TSC22D1: variants seen among roughly 807,000 people sequenced by gnomAD.
The protein encoded by TSC22D1 is TSC22 domain family protein 1.
Under a neutral mutation model 74.2 loss-of-function variants are expected in TSC22D1, and 9 were observed. The ratio of observed to expected loss-of-function variants is 0.12; its 90% CI spans 0.07 to 0.21. The LOEUF (loss-of-function observed/expected upper bound fraction) is 0.21, where lower values mean the gene tolerates loss of function less well. Ranked by LOEUF, TSC22D1 falls within the 10% of genes least tolerant of loss-of-function variation. The pLI is 1.00. For synonymous variants in TSC22D1, 586 were observed against 492.5 expected, an observed-to-expected ratio of 1.19 and a Z score of -2.51; for missense variants, 1,427 against 1,304.7, an observed-to-expected ratio of 1.09 and a Z score of -1.44.
At chr13:44,471,132 G>T (rs1345992135) in intron 1 of TSC22D1, among the ~76,000 whole-genome samples, 1 of 152,090 alleles carries the variant, frequency 6.6e-6, no homozygotes, top group Non-Finnish European at 1.5e-5. Context: ...AAAGCAAAAA[G>T]AATCTACAAA....
chr13:44,561,144 T>C (rs925916119), intron 1 of TSC22D1, among the ~76,000 whole-genome samples: 4 of 152,192 alleles, frequency 2.6e-5, no homozygotes, highest in African/African-American at 9.7e-5. Context: ...CCACAGCTGG[T>C]TTAACCTCTG....
At chr13:44,472,211 G>A (rs1877644482) in intron 1 of TSC22D1, among the ~76,000 whole-genome samples, 1 of 152,106 alleles carries the variant, frequency 6.6e-6, no homozygotes, top group Admixed American at 6.6e-5. Context: ...CTCAGTTGCA[G>A]GCATCCATGG....
At chr13:44,536,692 A>T (rs905287841) in intron 1 of TSC22D1, 2 of 961,434 alleles carry the variant, frequency 2.1e-6, no homozygotes, top group Non-Finnish European at 2.5e-6. Flanking sequence ...CTAGCATTAA[A>T]AGACTTGGTC....
At chr13:44,539,159 A>C in intron 1 of TSC22D1, 6 of 985,332 alleles carry the variant, frequency 6.1e-6, no homozygotes, top group Non-Finnish European at 7.2e-6. Flanking sequence ...ACTTTTGAGT[A>C]TATTAAACAT....
rs916333839 is a variant in TSC22D1 at position 44,562,579 on chromosome 13, A to C, written c.2912+10584T>G. Among the ~76,000 whole-genome samples the C allele has an allele frequency of 2.6e-5, 4 of 152,210 alleles. No individual in the cohort carries two copies. In the East Asian group the frequency reaches 7.7e-4, roughly 29 times the overall value. On this transcript the variant is annotated intron_variant, in intron 1 of 2. Coordinates refer to ENST00000458659, the MANE Select transcript of TSC22D1 (RefSeq NM_183422.4). ...ACTTCCTTTTTGGTAGAGACCTAGG[A>C]GTCCCCAGTAGACAGGAAAAAAATA...
chr13:44,458,381 A>G (rs115281984), intron 1 of TSC22D1, among the ~76,000 whole-genome samples: 190 of 152,356 alleles, frequency 1.2e-3, no homozygotes, highest in African/African-American at 4.3e-3. Context: ...AAAATCACTT[A>G]TTCATAGTAA....
Position 44,434,270 on chromosome 13 carries a change from CA to C in TSC22D1, c.*355del. The C allele has an allele frequency of 7.2e-7, 1 of 1,390,660 alleles. No individual in the cohort carries two copies. The highest frequency in any genetic ancestry group is 9.2e-7 in the Non-Finnish European group (1 of 1,083,804). The allele number at this position is 1,390,660 out of a possible 1,614,324, so 86.1% of individuals were successfully genotyped here. A position where few individuals can be genotyped will look rare whatever the true frequency, so the allele number is the denominator to read the frequency against. On this transcript the variant is annotated 3_prime_UTR_variant, in exon 3 of 3. Coordinates refer to ENST00000458659, the MANE Select transcript of TSC22D1 (RefSeq NM_183422.4). ...ACAACCCCATGTAGGACACTAAGCG[CA>C]AGCAGGAGAGAGAACCCTTGGAAGT...
chr13:44,451,097 T>C (rs1876092931), intron 1 of TSC22D1, among the ~76,000 whole-genome samples: 1 of 152,108 alleles, frequency 6.6e-6, no homozygotes, highest in South Asian at 2.1e-4. Flanking sequence ...AGAGATCAGG[T>C]CAGCTCTCCA....
intron 1 of TSC22D1, among the ~76,000 whole-genome samples, chr13:44,442,613 C>T (rs539579811): frequency 6.6e-6 from 1 of 151,984 alleles, no homozygotes; most frequent in Admixed American, 6.6e-5. Context: ...ACAGAAGAAA[C>T]GTTGAATAAA....
chr13:44,451,815 C>CT (rs1035858489), intron 1 of TSC22D1, among the ~76,000 whole-genome samples: 8 of 152,200 alleles, frequency 5.3e-5, no homozygotes, highest in Non-Finnish European at 1.5e-5. Flanking sequence ...GGCACAGCCC[C>CT]TTACCTGTGG....
At position 44,434,674 on chromosome 13, in the gene TSC22D1, T is replaced by C. The variant is rs767056796; in HGVS notation, c.3174A>G (p.Thr1058=). ...GCGATGCTGGCTGGGCGGGGGGCTG[T>C]GTGGTGCCCTGTGGCTGGGTGGTGG... ...PPATTQPQGT[T]QPPAQPASQG... is the part of the protein sequence containing the mutation. The change falls in exon 3 of 3, where the codon ACA becomes ACG. Residue 1058 remains threonine, a synonymous_variant. Transcript: ENST00000458659. The C allele has an allele frequency of 1.2e-6, 2 of 1,605,080 alleles. No homozygotes were observed. The highest frequency in any genetic ancestry group is 1.7e-6 in the Non-Finnish European group (2 of 1,176,286).
In TSC22D1 at chr13:44,437,063, G is replaced by C; in HGVS notation, c.2913-968C>G. 4.1e-6 allele frequency: 4 copies of C among 970,502 alleles called. No homozygotes were observed. In the South Asian group the frequency reaches 1.9e-4, roughly 46 times the overall value. 60.1% of individuals were successfully genotyped at this position (970,502 alleles called of 1,614,324 possible). On this transcript the variant is annotated intron_variant, in intron 1 of 2. Transcript: ENST00000458659. Reference sequence around the variant, plus strand: ...GGCGCGGGCCGTGCTCAGAGGGAGTGGGGTGCTGGGTTCGGAGGTTTCCAC... The same window carrying C: ...GGCGCGGGCCGTGCTCAGAGGGAGTCGGGTGCTGGGTTCGGAGGTTTCCAC...
intron 1 of TSC22D1, among the ~76,000 whole-genome samples, chr13:44,437,773 G>A (rs1874846992): frequency 6.6e-6 from 1 of 152,136 alleles, no homozygotes; most frequent in East Asian, 1.9e-4. Flanking sequence ...TTACATCAGA[G>A]GGATTGAAAT....
Position 44,433,509 on chromosome 13 carries a change from T to G in TSC22D1, c.*1117A>C, listed in dbSNP as rs1026589533. ...CTGCCATTATGTTAACAGGGTCATA[T>G]GAAAAACACTTGTTTATCAACATTT... On this transcript the variant is annotated 3_prime_UTR_variant, in exon 3 of 3. Coordinates refer to ENST00000458659, the MANE Select transcript of TSC22D1 (RefSeq NM_183422.4). 6.5e-6 allele frequency: 1 copy of G among 152,848 alleles called. No homozygotes were observed. Among genetic ancestry groups the G allele is most frequent in the Non-Finnish European group, 1.5e-5 (1 of 68,504 alleles). 9.5% of individuals were successfully genotyped at this position (152,848 alleles called of 1,614,324 possible).
chr13:44,434,129 C>A lies in TSC22D1; in HGVS notation c.*497G>T. The A allele has an allele frequency of 1.3e-6, 2 of 1,498,902 alleles. No individual in the cohort carries two copies. Among genetic ancestry groups the A allele is most frequent in the South Asian group, 2.6e-5 (2 of 77,102 alleles). The allele number at this position is 1,498,902 out of a possible 1,614,324, so 92.9% of individuals were successfully genotyped here. On this transcript the variant is annotated 3_prime_UTR_variant, in exon 3 of 3. Coordinates refer to ENST00000458659, the MANE Select transcript of TSC22D1 (RefSeq NM_183422.4). ...TTTTATGAATTTTGGTGACAGTTGT[C>A]AAATTTGTACAGTGAACTCTGTTCC... is the stretch of plus-strand genomic sequence containing the variant.
At chr13:44,496,740 C>A (rs915877679) in intron 1 of TSC22D1, among the ~76,000 whole-genome samples, 2 of 151,734 alleles carry the variant, frequency 1.3e-5, no homozygotes, top group Non-Finnish European at 2.9e-5. Context: ...TGGTATACAC[C>A]TGCAGTCTCA....
chr13:44,554,691 T>C (rs1882515898), intron 1 of TSC22D1, among the ~76,000 whole-genome samples: 2 of 146,674 alleles, frequency 1.4e-5, no homozygotes, highest in Admixed American at 6.8e-5. Context: ...TAAAAGACAA[T>C]TGCTTAAACT....
chr13:44,549,971 C>T (rs954665456), intron 1 of TSC22D1, among the ~76,000 whole-genome samples: 2 of 152,056 alleles, frequency 1.3e-5, no homozygotes, highest in African/African-American at 4.8e-5. Flanking sequence ...ATCCTGCTAC[C>T]TTACTGACTA....
At chr13:44,569,981 G>C (rs1382267566) in intron 1 of TSC22D1, among the ~76,000 whole-genome samples, 1 of 152,118 alleles carries the variant, frequency 6.6e-6, no homozygotes, top group African/African-American at 2.4e-5. Context: ...ATTAAAAAGT[G>C]CTAAGGAAAC....
Sources: gnomAD v4.1 joint callset for allele counts (sites outside exome capture counted in the v4.1 genomes callset) on GRCh38, gnomAD v4.1.1 for gene constraint, MANE v1.5 for transcripts, NCBI Gene and HGNC (gene_info 2026-07-23, HGNC 2026-07-21) for gene names.